Variants in SDHA observed in about 807,000 individuals in gnomAD.
SDHA encodes succinate dehydrogenase [ubiquinone] flavoprotein subunit, mitochondrial.
In SDHA, 48 loss-of-function variants were observed where a neutral mutation model predicts 78.4. That is an observed-to-expected ratio of 0.61 (90% CI 0.49 to 0.78). SDHA has a LOEUF of 0.78. SDHA is among the 30% of genes least tolerant of loss of function. The pLI, the probability that SDHA is intolerant of heterozygous loss-of-function variation, is 0.00. For missense variants in SDHA, 680 were observed against 892.7 expected, an observed-to-expected ratio of 0.76 and a Z score of 3.04; for synonymous variants, 326 against 353.9, an observed-to-expected ratio of 0.92 and a Z score of 0.88.
chr5:245,959 T>C (rs989308231), intron 11 of SDHA, among the ~76,000 whole-genome samples: 3 of 152,196 alleles, frequency 2.0e-5, no homozygotes, highest in African/African-American at 7.2e-5. Context: ...GGCTATGCCA[T>C]GAGTAATCTA....
chr5:257,219 G>C (rs1369933571), downstream of SDHA, among the ~76,000 whole-genome samples: 1 of 152,158 alleles, frequency 6.6e-6, no homozygotes, highest in Non-Finnish European at 1.5e-5. Flanking sequence ...ATTCAAATCA[G>C]GGGTCCCCAA....
intron 5 of SDHA, among the ~76,000 whole-genome samples, chr5:227,083 T>C (rs774076902): frequency 3.9e-5 from 6 of 152,096 alleles, no homozygotes; most frequent in Non-Finnish European, 1.5e-5. Context: ...CAATCTCAGC[T>C]CACTGCTACT....
Position 231,819 on chromosome 5 carries a change from C to T in SDHA, c.895+819C>T, listed in dbSNP as rs376882506. ...GTGACAATGGGATGTAAAGTTAGGA[C>T]GCAGCCGTGACAGAACCCCATGTGA... On this transcript the variant is annotated intron_variant, in intron 7 of 14. Transcript: ENST00000264932. Among the ~76,000 whole-genome samples the T allele has an allele frequency of 1.3e-3, 194 of 151,844 alleles. 1 individual carries two copies. The highest frequency in any genetic ancestry group is 3.1e-3 in the Admixed American group (48 of 15,280).
chr5:263,150 G>A, the SDHA span, among the ~76,000 whole-genome samples: 1 of 152,112 alleles, frequency 6.6e-6, no homozygotes, highest in Non-Finnish European at 1.5e-5. Context: ...ATCTTGCCCA[G>A]GCTGGTCTCA....
At position 224,461 on chromosome 5, in the gene SDHA, G is replaced by A. The variant is rs753293451; in HGVS notation, c.252G>A (p.Gly84=). The A allele has an allele frequency of 6.2e-7, 1 of 1,613,418 alleles. No individual in the cohort carries two copies. Among genetic ancestry groups the A allele is most frequent in the African/African-American group, 1.3e-5 (1 of 74,896 alleles). ...CTGCATTTGGCCTTTCTGAGGCAGG[G>A]TTTAATACAGCATGTGTTACCAAGC... is the stretch of plus-strand genomic sequence containing the variant. ...LRAAFGLSEA[G]FNTACVTKLF... Residue 84 remains glycine, a synonymous_variant, in exon 3 of 15, where the codon GGG becomes GGA. Transcript: ENST00000264932.
intron 11 of SDHA, among the ~76,000 whole-genome samples, chr5:242,024 A>G (rs1298243040): frequency 3.9e-5 from 6 of 152,230 alleles, no homozygotes; most frequent in Non-Finnish European, 1.5e-5. Flanking sequence ...TTCCCACCAA[A>G]CATGGTGTGT....
intron 6 of SDHA, 50 bp downstream of exon 6, chr5:228,383 C>G: frequency 6.5e-7 from 1 of 1,548,782 alleles, no homozygotes; most frequent in East Asian, 2.4e-5. Flanking sequence ...GAATAAATTT[C>G]ATTTAGAGTT....
At chr5:234,087 G>A (rs1735597663) in intron 8 of SDHA, 2 of 222,868 alleles carry the variant, frequency 9.0e-6, no homozygotes, top group South Asian at 1.3e-4. Flanking sequence ...ATATCTGCTG[G>A]TATGGCCTTT....
chr5:249,033 C>G (rs902512940), intron 11 of SDHA: 1 of 403,406 alleles, frequency 2.5e-6, no homozygotes, highest in Non-Finnish European at 4.7e-6. Flanking sequence ...ACCGTACAAA[C>G]TTGTCTTTGG....
chr5:246,055 AG>A (rs1736429835), intron 11 of SDHA, among the ~76,000 whole-genome samples: 1 of 152,274 alleles, frequency 6.6e-6, no homozygotes, highest in African/African-American at 2.4e-5. Context: ...CTGATCGAAA[AG>A]CAAGTCCATA....
chr5:258,961 C>A (rs375179895), downstream of SDHA, among the ~76,000 whole-genome samples: 74 of 16,638 alleles, frequency 4.4e-3, no homozygotes, highest in South Asian at 0.019. Flanking sequence ...GCCTCCCGTC[C>A]GAGCATTACC....
intron 8 of SDHA, 191 bp from the exon 9 acceptor site, chr5:234,953 C>T (rs1735670489): frequency 3.0e-6 from 2 of 666,602 alleles, no homozygotes; most frequent in African/African-American, 3.6e-5. Context: ...AGCTGTGTCC[C>T]AGCACCTGGG....
At chr5:265,310 A>G in the SDHA span, among the ~76,000 whole-genome samples, 1 of 152,228 alleles carries the variant, frequency 6.6e-6, no homozygotes, top group Non-Finnish European at 1.5e-5. Context: ...ACATAGACAC[A>G]TTTCCTAGCT....
intron 3 of SDHA, chr5:224,853 G>A: frequency 2.5e-6 from 1 of 396,514 alleles, no homozygotes. Context: ...CAGAATTTAG[G>A]TTGGGGAAGA....
intron 1 of SDHA, chr5:220,428 T>C: frequency 3.7e-6 from 1 of 267,524 alleles, no homozygotes; most frequent in South Asian, 3.4e-5. Context: ...GTTCTGAATA[T>C]GTTTAATGGT....
intron 11 of SDHA, among the ~76,000 whole-genome samples, chr5:243,065 G>C (rs952242467): frequency 6.6e-6 from 1 of 152,084 alleles, no homozygotes; most frequent in Non-Finnish European, 1.5e-5. Flanking sequence ...GTGACTGTCC[G>C]AGCAGCACCT....
In SDHA at chr5:235,306, C is replaced by T. The variant is rs2126585562; in HGVS notation, c.1227C>T (p.Asn409=). The T allele has an allele frequency of 6.2e-7, 1 of 1,614,226 alleles. No homozygotes were observed. Among genetic ancestry groups the T allele is most frequent in the Non-Finnish European group, 8.5e-7 (1 of 1,180,030 alleles). The change falls in exon 9 of 15, where the codon AAC becomes AAT. Residue 409 remains asparagine, a synonymous_variant. Transcript: ENST00000264932. ...PIPVLPTVHY[N]MGGIPTNYKG... The stretch of plus-strand genomic sequence containing the variant: ...CTGTCCTCCCCACCGTGCATTATAA[C>T]ATGGGCGGCATTCCCACCAACTACA...
intron 7 of SDHA, among the ~76,000 whole-genome samples, chr5:231,454 G>A (rs1027863451): frequency 6.6e-6 from 1 of 151,932 alleles, no homozygotes; most frequent in Non-Finnish European, 1.5e-5. Flanking sequence ...CAGGTACTTG[G>A]GAGGCTGAGG....
rs1379892283 is a variant in SDHA at position 224,780 on chromosome 5, T to C, written c.312+259T>C. ...TTCTCTGACCATCTTGCCTACTACC[T>C]TCCCCACCTACCCCCGCCACCCCAA... On this transcript the variant is annotated intron_variant, in intron 3 of 14. Coordinates refer to ENST00000264932, the MANE Select transcript of SDHA (RefSeq NM_004168.4). The C allele has an allele frequency of 2.7e-5, 14 of 525,780 alleles. No individual in the cohort carries two copies. In the African/African-American group the frequency reaches 2.7e-4, roughly 10 times the overall value. The allele number at this position is 525,780 out of a possible 1,614,324, so 32.6% of individuals were successfully genotyped here. A position where few individuals can be genotyped will look rare whatever the true frequency, so the allele number is the denominator to read the frequency against.
Sources: gnomAD v4.1 joint callset for allele counts (sites outside exome capture counted in the v4.1 genomes callset) on GRCh38, gnomAD v4.1.1 for gene constraint, MANE v1.5 for transcripts, NCBI Gene and HGNC (gene_info 2026-07-23, HGNC 2026-07-21) for gene names.